Variants in ENTPD1 observed in about 807,000 individuals in gnomAD.
The protein encoded by ENTPD1 is ATP diphosphohydrolase.
Under a neutral mutation model 57.0 loss-of-function variants are expected in ENTPD1, and 33 were observed. The observed-to-expected ratio is 0.58, with a 90% CI of 0.44 to 0.77. The LOEUF (loss-of-function observed/expected upper bound fraction) is 0.77, where lower values mean the gene tolerates loss of function less well. Ranked by LOEUF, ENTPD1 falls within the 30% of genes least tolerant of loss-of-function variation. The pLI is 0.00. For missense variants in ENTPD1, 501 were observed against 603.4 expected, an observed-to-expected ratio of 0.83 and a Z score of 1.78; for synonymous variants, 202 against 218.8, an observed-to-expected ratio of 0.92 and a Z score of 0.68.
chr10:95,842,736 A>C (rs1020212470), intron 4 of ENTPD1, among the ~76,000 whole-genome samples: 5 of 152,116 alleles, frequency 3.3e-5, no homozygotes, highest in African/African-American at 7.2e-5. Flanking sequence ...TGGGGGATTC[A>C]AAGGGGAAGG....
intron 1 of ENTPD1, among the ~76,000 whole-genome samples, chr10:95,778,245 C>A (rs889348660): frequency 5.3e-5 from 8 of 152,144 alleles, no homozygotes; most frequent in African/African-American, 1.9e-4. Context: ...CTGGGAGCTG[C>A]AGACTGGAGC....
chr10:95,870,073 A>G lies in ENTPD1; in HGVS notation c.*3690A>G, dbSNP rs939311154. ...TGCTGTAACATTCTTGCTATTATTT[A>G]TTATATATGACATTATTCCTAAAAA... is the stretch of plus-strand genomic sequence containing the variant. On this transcript the variant is annotated 3_prime_UTR_variant, in exon 10 of 10. Transcript: ENST00000371205. The G allele has an allele frequency of 3.0e-6, 3 of 985,224 alleles. No individual in the cohort carries two copies. The highest frequency in any genetic ancestry group is 3.6e-6 in the Non-Finnish European group (3 of 829,874). 61.0% of individuals were successfully genotyped at this position (985,224 alleles called of 1,614,324 possible).
At chr10:95,862,125 T>C (rs1333457980) in intron 8 of ENTPD1, among the ~76,000 whole-genome samples, 2 of 152,166 alleles carry the variant, frequency 1.3e-5, no homozygotes, top group Non-Finnish European at 2.9e-5. Context: ...AGGTAAGTCA[T>C]GTGGGGAGTT....
chr10:95,810,617 T>C (rs11594340), intron 1 of ENTPD1, among the ~76,000 whole-genome samples: 13,163 of 152,308 alleles, frequency 0.086, 701 homozygotes, highest in Middle Eastern at 0.16. Context: ...TATTCACATA[T>C]TCCTTCTTCA....
chr10:95,771,402 A>G (rs1441507035), intron 1 of ENTPD1, among the ~76,000 whole-genome samples: 2 of 152,322 alleles, frequency 1.3e-5, no homozygotes, highest in African/African-American at 4.8e-5. Flanking sequence ...TAGAATTTCC[A>G]AATTTCTTTC....
chr10:95,809,615 C>A (rs11188496), intron 1 of ENTPD1, among the ~76,000 whole-genome samples: 1 of 111,304 alleles, frequency 9.0e-6, no homozygotes, highest in Non-Finnish European at 1.9e-5. Context: ...CAGGCAGAGG[C>A]GCTCCCCACC....
At chr10:95,786,398 A>G (rs565121660) in intron 1 of ENTPD1, among the ~76,000 whole-genome samples, 1 of 152,292 alleles carries the variant, frequency 6.6e-6, no homozygotes, top group African/African-American at 2.4e-5. Context: ...TATTGCCCTG[A>G]AAAGGAGCCT....
chr10:95,796,954 C>T (rs1356508030), intron 1 of ENTPD1, among the ~76,000 whole-genome samples: 1 of 151,800 alleles, frequency 6.6e-6, no homozygotes, highest in Non-Finnish European at 1.5e-5. Flanking sequence ...CGCCCGTAGT[C>T]CCTAGCTACT....
chr10:95,795,738 T>C (rs529571920), intron 1 of ENTPD1, among the ~76,000 whole-genome samples: 4 of 152,308 alleles, frequency 2.6e-5, no homozygotes, highest in African/African-American at 9.6e-5. Flanking sequence ...TCCCATTTCA[T>C]AGGAGATGCA....
chr10:95,792,001 A>C (rs2098205990), intron 1 of ENTPD1, among the ~76,000 whole-genome samples: 1 of 152,170 alleles, frequency 6.6e-6, no homozygotes, highest in South Asian at 2.1e-4. Context: ...AGAATTGCTT[A>C]AGAGAGACTA....
At chr10:95,724,968 C>A (rs910485855) in intron 1 of ENTPD1, among the ~76,000 whole-genome samples, 1 of 152,168 alleles carries the variant, frequency 6.6e-6, no homozygotes, top group Admixed American at 6.5e-5. Context: ...TTGTCTGGGA[C>A]ACCTCTTACA....
At chr10:95,710,409 A>C (rs1024550913), upstream of ENTPD1, among the ~76,000 whole-genome samples, 1 of 151,926 alleles carries the variant, frequency 6.6e-6, no homozygotes, top group African/African-American at 2.4e-5. Flanking sequence ...TTTTAAAAAA[A>C]ATTTTTTTTA....
At chr10:95,734,586 T>C (rs1004505842) in intron 1 of ENTPD1, among the ~76,000 whole-genome samples, 3 of 152,226 alleles carry the variant, frequency 2.0e-5, no homozygotes, top group Non-Finnish European at 4.4e-5. Flanking sequence ...GAAGGAATGA[T>C]TTTCTCTTGG....
At chr10:95,844,751 G>GCCATTGCTATCTCAGGCAGTACTTGGGTC in intron 5 of ENTPD1, 116 bp downstream of exon 5, 1 of 1,263,660 alleles carries the variant, frequency 7.9e-7, no homozygotes, top group Non-Finnish European at 1.2e-6. Context: ...ATGGATGGAT[G>GCCATTGCTATCTCAGGCAGTACTTGGGTC]GATGGATGAC....
At chr10:95,831,406 C>T (rs183448489) in intron 2 of ENTPD1, among the ~76,000 whole-genome samples, 1 of 152,180 alleles carries the variant, frequency 6.6e-6, no homozygotes, top group African/African-American at 2.4e-5. Flanking sequence ...CCTCTCTAAG[C>T]CTTAGTTTCT....
chr10:95,866,658 C>A lies in ENTPD1; in HGVS notation c.*275C>A. 2 of 1,285,734 alleles carry A rather than the reference C, an allele frequency of 1.6e-6. No individual in the cohort carries two copies. The highest frequency in any genetic ancestry group is 3.2e-5 in the South Asian group (2 of 63,340). 79.6% of individuals were successfully genotyped at this position (1,285,734 alleles called of 1,614,324 possible). ...GCTTGTATAGGTTTTAAAGACCTGA[C>A]ACCTTTCATAATCTTTGCTTTATAA... is the stretch of plus-strand genomic sequence containing the variant. On this transcript the variant is annotated 3_prime_UTR_variant, in exon 10 of 10. Transcript: ENST00000371205.
chr10:95,875,811 A>G lies in ENTPD1; in HGVS notation c.*9428A>G, dbSNP rs2098485166. On this transcript the variant is annotated 3_prime_UTR_variant, in exon 10 of 10. Transcript: ENST00000371205. ...GCAGCAAAAGCAGAAACCCCTGATA[A>G]AACCATCAGATCTCGTGAGACTTAT... 1 of 204,736 alleles carries G rather than the reference A, an allele frequency of 4.9e-6. No individual in the cohort carries two copies. Among genetic ancestry groups the G allele is most frequent in the African/African-American group, 2.4e-5 (1 of 42,422 alleles). 12.7% of individuals were successfully genotyped at this position (204,736 alleles called of 1,614,324 possible).
At position 95,716,690 on chromosome 10, in the gene ENTPD1, C is replaced by T. The variant is rs538257090; in HGVS notation, c.37+4697C>T. 7.0e-4 allele frequency among the ~76,000 whole-genome samples: 106 copies of T among 152,334 alleles called. 1 individual carries two copies. The highest frequency in any genetic ancestry group is 2.4e-3 in the African/African-American group (101 of 41,574). Reference sequence around the variant, plus strand: ...TGCCATCTGCTATGTTATGATGCAACGTGAGGCCCTTGTCGGATGTGGCTT... The same window carrying T: ...TGCCATCTGCTATGTTATGATGCAATGTGAGGCCCTTGTCGGATGTGGCTT... On this transcript the variant is annotated intron_variant, in intron 1 of 9. Coordinates refer to the ENTPD1 transcript ENST00000453258.
chr10:95,729,404 G>T (rs1435307751), intron 1 of ENTPD1, among the ~76,000 whole-genome samples: 1 of 152,190 alleles, frequency 6.6e-6, no homozygotes, highest in Admixed American at 6.5e-5. Context: ...TTAAGCTGCT[G>T]TATGTGTTAT....
Sources: gnomAD v4.1 joint callset for allele counts (sites outside exome capture counted in the v4.1 genomes callset) on GRCh38, gnomAD v4.1.1 for gene constraint, MANE v1.5 for transcripts, NCBI Gene and HGNC (gene_info 2026-07-23, HGNC 2026-07-21) for gene names.